The following TBC1D5 variants were observed in gnomAD, a reference collection of about 807,000 sequenced individuals.
TBC1D5 encodes the protein TBC1 domain family member 5.
TBC1D5 carries 75 observed loss-of-function variants against 100.3 expected under a neutral mutation model. The observed-to-expected ratio is 0.75, with a 90% CI of 0.62 to 0.91. The LOEUF (loss-of-function observed/expected upper bound fraction) is 0.91. Ranked by LOEUF, TBC1D5 falls within the 40% of genes least tolerant of loss-of-function variation. The pLI is 0.00. For missense variants in TBC1D5, 910 were observed against 942.4 expected (o/e 0.97, Z 0.45); for synonymous variants, 323 against 325.6 (o/e 0.99, Z 0.09).
At chr3:17,655,434 T>C (rs1450496775) in intron 1 of TBC1D5, among the ~76,000 whole-genome samples, 2 of 135,248 alleles carry the variant, frequency 1.5e-5, no homozygotes, top group Admixed American at 1.6e-4. Flanking sequence ...TGTGCACATG[T>C]ACCCTAAAAC....
intron 3 of TBC1D5, among the ~76,000 whole-genome samples, chr3:17,490,825 GTTTT>G (rs1160060337): frequency 2.6e-5 from 4 of 152,010 alleles, no homozygotes; most frequent in South Asian, 4.1e-4. Context: ...AATTTTAAAA[GTTTT>G]TTCTAATATT....
chr3:17,731,208 G>C (rs977896796), intron 1 of TBC1D5, among the ~76,000 whole-genome samples: 7 of 152,080 alleles, frequency 4.6e-5, no homozygotes, highest in African/African-American at 1.7e-4. Flanking sequence ...GGAGGCAGAA[G>C]AGGGGGTCAT....
At chr3:17,380,045 A>ATGTG (rs3041142) in intron 9 of TBC1D5, among the ~76,000 whole-genome samples, 9,174 of 112,084 alleles carry the variant, frequency 0.082, 330 homozygotes, top group South Asian at 0.15. Context: ...GTGACTGTGT[A>ATGTG]TGTGTGTGTG....
Position 17,561,072 on chromosome 3 carries a change from G to A in TBC1D5, c.-35-52467C>T, listed in dbSNP as rs73160960. 5.4e-3 allele frequency among the ~76,000 whole-genome samples: 819 copies of A among 152,274 alleles called. 13 individuals are homozygous for A. Among genetic ancestry groups the A allele is most frequent in the African/African-American group, 0.019 (787 of 41,554 alleles). ...GAAGTTACTTTTGGAGGGAAAAAGA[G>A]GGCTGTGATTGGCACAGAACACATG... On this transcript the variant is annotated intron_variant, in intron 2 of 21. Transcript: ENST00000253692.
At chr3:17,527,216 G>A (rs908991799) in intron 2 of TBC1D5, among the ~76,000 whole-genome samples, 21 of 152,158 alleles carry the variant, frequency 1.4e-4, no homozygotes, top group Non-Finnish European at 2.9e-4. Context: ...TTTGGGAGCT[G>A]GGAGCTTATC....
intron 13 of TBC1D5, among the ~76,000 whole-genome samples, chr3:17,340,966 C>A (rs1243264296): frequency 5.3e-5 from 8 of 152,170 alleles, no homozygotes; most frequent in Non-Finnish European, 7.3e-5. Context: ...CTGCAACTTA[C>A]AACGTTCTGA....
At chr3:17,478,965 T>C (rs1264664025) in intron 3 of TBC1D5, among the ~76,000 whole-genome samples, 1 of 152,200 alleles carries the variant, frequency 6.6e-6, no homozygotes, top group Non-Finnish European at 1.5e-5. Context: ...GCTTACTATA[T>C]TGTGTAACAA....
chr3:17,729,909 G>C (rs1456882510), intron 1 of TBC1D5, among the ~76,000 whole-genome samples: 2 of 152,044 alleles, frequency 1.3e-5, no homozygotes, highest in Non-Finnish European at 2.9e-5. Context: ...AGGAGTTCAA[G>C]ACCAGCCTGA....
At chr3:17,479,921 G>T (rs956066030) in intron 3 of TBC1D5, among the ~76,000 whole-genome samples, 19 of 152,150 alleles carry the variant, frequency 1.2e-4, no homozygotes, top group African/African-American at 4.6e-4. Flanking sequence ...ACGCTCTGGG[G>T]CACAGCTATA....
intron 1 of TBC1D5, among the ~76,000 whole-genome samples, chr3:17,645,391 T>C (rs1223089083): frequency 1.3e-5 from 2 of 152,122 alleles, no homozygotes; most frequent in East Asian, 1.9e-4. Context: ...TGTATAATTA[T>C]ACTTGAAAAT....
At chr3:17,345,493 A>C (rs928684631) in intron 13 of TBC1D5, among the ~76,000 whole-genome samples, 16 of 152,178 alleles carry the variant, frequency 1.1e-4, no homozygotes, top group African/African-American at 2.2e-4. Flanking sequence ...TAGTTCAACC[A>C]TTGTGGAAGT....
chr3:17,168,134 G>A (rs908250708), intron 19 of TBC1D5, among the ~76,000 whole-genome samples: 2 of 152,152 alleles, frequency 1.3e-5, no homozygotes, highest in African/African-American at 2.4e-5. Flanking sequence ...CTGACAGCCT[G>A]GGCCATTCAT....
rs2152408114 is a variant in TBC1D5, at chr3:17,400,564, GTTAATA to G, written c.509+2611_509+2616del. Among the ~76,000 whole-genome samples, 3 of 152,218 alleles carry G rather than the reference GTTAATA, an allele frequency of 2.0e-5. No homozygotes were observed. The South Asian group carries it at 6.2e-4, about 32-fold the overall frequency. On this transcript the variant is annotated intron_variant, in intron 8 of 21. Coordinates refer to ENST00000253692, the Ensembl canonical transcript of TBC1D5. The stretch of plus-strand genomic sequence containing the variant: ...TAAGATATGGAACCCTCCTGTGATG[GTTAATA>G]TTGAGTGTCAACTTGATTGGACTGA...
At chr3:17,516,249 C>T (rs1438603020) in intron 2 of TBC1D5, among the ~76,000 whole-genome samples, 2 of 152,108 alleles carry the variant, frequency 1.3e-5, no homozygotes, top group Non-Finnish European at 2.9e-5. Flanking sequence ...CTCTGATGTG[C>T]CTCTGGGCTT....
chr3:17,434,679 G>C (rs901941860), intron 3 of TBC1D5, among the ~76,000 whole-genome samples: 1 of 152,108 alleles, frequency 6.6e-6, no homozygotes, highest in Non-Finnish European at 1.5e-5. Context: ...TAGGCCACCC[G>C]ACCTGTGATG....
intron 4 of TBC1D5, among the ~76,000 whole-genome samples, chr3:17,411,092 C>G (rs929668564): frequency 2.0e-5 from 3 of 152,006 alleles, no homozygotes; most frequent in African/African-American, 4.8e-5. Context: ...GCCACAGTTA[C>G]CCCCAACCTT....
chr3:17,242,655 T>C (rs558953555), intron 16 of TBC1D5, among the ~76,000 whole-genome samples: 116 of 152,220 alleles, frequency 7.6e-4, no homozygotes, highest in African/African-American at 2.0e-3. Context: ...TGTTGGCTCA[T>C]TTGTTATTTA....
chr3:17,200,766 T>C (rs1317792428), intron 18 of TBC1D5, among the ~76,000 whole-genome samples: 1 of 152,218 alleles, frequency 6.6e-6, no homozygotes, highest in Non-Finnish European at 1.5e-5. Flanking sequence ...CACGGCTGAA[T>C]AGGGTTTTAG....
intron 13 of TBC1D5, among the ~76,000 whole-genome samples, chr3:17,354,361 C>A (rs1009268686): frequency 1.3e-5 from 2 of 152,102 alleles, no homozygotes; most frequent in African/African-American, 2.4e-5. Flanking sequence ...TCATTAATCC[C>A]TTTCCTCTTC....
Sources: allele counts gnomAD v4.1 joint callset (sites outside exome capture counted in the v4.1 genomes callset), GRCh38; gene constraint gnomAD v4.1.1; transcripts MANE v1.5; gene names NCBI Gene and HGNC (gene_info 2026-07-23, HGNC 2026-07-21).